The following RAC1 variants were observed in gnomAD, a reference collection of about 807,000 sequenced individuals.
RAC1 encodes ras-related C3 botulinum toxin substrate 1.
In RAC1, 2 loss-of-function variants were observed where a neutral mutation model predicts 25.2. The ratio of observed to expected loss-of-function variants is 0.08; its 90% CI spans 0.03 to 0.25. RAC1 has a LOEUF of 0.25. Ranked by LOEUF, RAC1 falls within the 10% of genes least tolerant of loss-of-function variation. The pLI is 1.00. For synonymous variants in RAC1, 88 were observed against 94.0 expected, an observed-to-expected ratio of 0.94 and a Z score of 0.37; for missense variants, 50 against 235.7, an observed-to-expected ratio of 0.21 and a Z score of 5.16.
At chr7:6,384,372 A>G (rs542341002) in intron 1 of RAC1, among the ~76,000 whole-genome samples, 39 of 152,312 alleles carry the variant, frequency 2.6e-4, no homozygotes, top group Admixed American at 7.2e-4. Context: ...GGCTTCTTCT[A>G]AAATCCAGTG....
Position 6,387,269 on chromosome 7 carries a change from A to G in RAC1, c.93A>G (p.Glu31=), listed in dbSNP as rs949165072. 8 of 1,558,740 alleles carry G rather than the reference A, an allele frequency of 5.1e-6. No individual in the cohort carries two copies. The highest frequency in any genetic ancestry group is 5.2e-6 in the Non-Finnish European group (6 of 1,152,888). ...ISYTTNAFPG[E]YIPTVFDNYS... ...ACACAACCAATGCATTTCCTGGAGAATATATCCCTACTGTGTAAGTATCTT... is the reference window on the plus strand; with the variant it reads ...ACACAACCAATGCATTTCCTGGAGAGTATATCCCTACTGTGTAAGTATCTT... Residue 31 remains glutamate, a synonymous_variant, in exon 2 of 6, where the codon GAA becomes GAG. Transcript: ENST00000348035.
At chr7:6,386,848 G>A (rs17776100) in intron 1 of RAC1, among the ~76,000 whole-genome samples, 4,524 of 151,416 alleles carry the variant, frequency 0.03, 109 homozygotes, top group Middle Eastern at 0.059. Flanking sequence ...TCAAACTTAA[G>A]ATTCTTGATG....
intron 3 of RAC1, among the ~76,000 whole-genome samples, chr7:6,396,028 G>A (rs755575546): frequency 6.6e-6 from 1 of 152,216 alleles, no homozygotes; most frequent in African/African-American, 2.4e-5. Context: ...ACTTACCACC[G>A]AGGAGGGAGT....
At chr7:6,390,518 T>G (rs574087608) in intron 2 of RAC1, among the ~76,000 whole-genome samples, 1 of 151,658 alleles carries the variant, frequency 6.6e-6, no homozygotes, top group Non-Finnish European at 1.5e-5. Flanking sequence ...GAGAATCACT[T>G]GAACCCAGGA....
chr7:6,382,138 C>T lies in RAC1; in HGVS notation c.36-5074C>T, dbSNP rs143222983. Among the ~76,000 whole-genome samples, 1,435 of 152,138 alleles carry T rather than the reference C, an allele frequency of 9.4e-3. 22 individuals are homozygous for T. Among genetic ancestry groups the T allele is most frequent in the Middle Eastern group, 0.031 (9 of 294 alleles). ...CCTCCTGAGTAGCTGGGATTACAGG[C>T]GCCTGCCACCACACTCAGCTAATTT... On this transcript the variant is annotated intron_variant, in intron 1 of 5. Transcript: ENST00000348035.
chr7:6,387,391 T>G, intron 2 of RAC1, 108 bp downstream of exon 2: 2 of 781,208 alleles, frequency 2.6e-6, no homozygotes, highest in South Asian at 3.4e-5. Context: ...GAACAGATAC[T>G]AATTTTTTCT....
At chr7:6,389,995 CCTCCCTCT>C (rs1180729111) in intron 2 of RAC1, among the ~76,000 whole-genome samples, 3 of 127,520 alleles carry the variant, frequency 2.4e-5, no homozygotes, top group South Asian at 2.8e-4. Flanking sequence ...TCCTCCTCTC[CCTCCCTCT>C]CTCCCTCCTT....
At chr7:6,400,687 G>C (rs1355447627) in intron 4 of RAC1, among the ~76,000 whole-genome samples, 1 of 150,752 alleles carries the variant, frequency 6.6e-6, no homozygotes, top group Non-Finnish European at 1.5e-5. Context: ...TTTTGTTTTT[G>C]TTTTTGAGAT....
At chr7:6,388,336 T>TTTC (rs1316129391) in intron 2 of RAC1, among the ~76,000 whole-genome samples, 11 of 148,462 alleles carry the variant, frequency 7.4e-5, no homozygotes, top group Non-Finnish European at 1.5e-4. Context: ...TTGTTGTTGT[T>TTTC]GTTGTTTTCC....
Position 6,403,447 on chromosome 7 carries a change from TTGTATTATAAAA to T in RAC1, c.*1003_*1014del, listed in dbSNP as rs1783478477. On this transcript the variant is annotated 3_prime_UTR_variant, in exon 6 of 6. Transcript: ENST00000348035. Reference sequence around the variant, plus strand: ...CCTTCTGACTGAGCAATATGCCTCCTTGTATTATAAAATCTTTCTGATAATGCATTAGAAGGT... The same window carrying T: ...CCTTCTGACTGAGCAATATGCCTCCTTCTTTCTGATAATGCATTAGAAGGT... The T allele has an allele frequency of 4.6e-6, 1 of 216,006 alleles. No homozygotes were observed. The highest frequency in any genetic ancestry group is 9.3e-6 in the Non-Finnish European group (1 of 107,134). 13.4% of individuals were successfully genotyped at this position (216,006 alleles called of 1,614,324 possible).
chr7:6,376,299 C>A (rs1260150215), intron 1 of RAC1, among the ~76,000 whole-genome samples: 1 of 147,658 alleles, frequency 6.8e-6, no homozygotes, highest in African/African-American at 2.5e-5. Flanking sequence ...CCTCCTGCCT[C>A]AGTGTCCTTA....
chr7:6,383,348 A>G (rs1782826792), intron 1 of RAC1, among the ~76,000 whole-genome samples: 1 of 152,368 alleles, frequency 6.6e-6, no homozygotes, highest in South Asian at 2.1e-4. Flanking sequence ...CTATTTGAAT[A>G]AATTAAGTAA....
At chr7:6,378,957 G>A (rs1375846614) in intron 1 of RAC1, among the ~76,000 whole-genome samples, 2 of 152,068 alleles carry the variant, frequency 1.3e-5, no homozygotes, top group Non-Finnish European at 2.9e-5. Context: ...AAGGATGGTG[G>A]GGGGCGCCTG....
intron 1 of RAC1, among the ~76,000 whole-genome samples, chr7:6,377,457 A>G (rs887389047): frequency 2.6e-5 from 4 of 151,914 alleles, no homozygotes; most frequent in African/African-American, 9.7e-5. Context: ...AGCTAGGTGT[A>G]GACACATGTG....
At chr7:6,394,036 C>T (rs1783160170) in intron 3 of RAC1, among the ~76,000 whole-genome samples, 1 of 152,160 alleles carries the variant, frequency 6.6e-6, no homozygotes, top group African/African-American at 2.4e-5. Context: ...TTTTGTACTA[C>T]ATGGAATGTG....
intron 1 of RAC1, among the ~76,000 whole-genome samples, chr7:6,384,009 C>T (rs1481623481): frequency 2.0e-5 from 3 of 151,612 alleles, no homozygotes; most frequent in African/African-American, 7.3e-5. Flanking sequence ...TGGTCAGGCT[C>T]TTCTCGAATT....
At chr7:6,376,501 C>CTTTTTTTT (rs1782601672) in intron 1 of RAC1, among the ~76,000 whole-genome samples, 2 of 91,188 alleles carry the variant, frequency 2.2e-5, no homozygotes, top group African/African-American at 1.0e-4. Context: ...TTTTTTTTTT[C>CTTTTTTTT]TTTTCTTTTT....
At chr7:6,395,207 C>A (rs1783201129) in intron 3 of RAC1, among the ~76,000 whole-genome samples, 1 of 152,084 alleles carries the variant, frequency 6.6e-6, no homozygotes, top group African/African-American at 2.4e-5. Context: ...CTCAGGTGAT[C>A]CGCCTGCCTC....
At position 6,401,321 on chromosome 7, in the gene RAC1, G is replaced by A. The variant is rs577661418; in HGVS notation, c.289-547G>A. 2.8e-4 allele frequency among the ~76,000 whole-genome samples: 42 copies of A among 152,256 alleles called. No individual in the cohort carries two copies. In the Middle Eastern group the frequency reaches 0.017, roughly 62 times the overall value. On this transcript the variant is annotated intron_variant, in intron 4 of 5. Coordinates refer to ENST00000348035, the MANE Select transcript of RAC1 (RefSeq NM_006908.5). ...GTTTCCTGGGTCTCATTAAAATAAT[G>A]AGGCACTCAGAATTGGTCTAATAAA...
Sources: allele counts gnomAD v4.1 joint callset (sites outside exome capture counted in the v4.1 genomes callset), GRCh38; gene constraint gnomAD v4.1.1; transcripts MANE v1.5; gene names NCBI Gene and HGNC (gene_info 2026-07-23, HGNC 2026-07-21).